The following E2F3 variants were observed in gnomAD, a reference collection of about 807,000 sequenced individuals.
E2F3 encodes the protein transcription factor E2F3.
Under a neutral mutation model 44.4 loss-of-function variants are expected in E2F3, and 11 were observed. The observed-to-expected ratio is 0.25, with a 90% CI of 0.16 to 0.41. The LOEUF (loss-of-function observed/expected upper bound fraction) is 0.41. Among genes scored for constraint, E2F3 ranks in the 10% least tolerant of loss-of-function variants. The pLI, the probability that E2F3 is intolerant of heterozygous loss-of-function variation, is 1.00. For synonymous variants in E2F3, 249 were observed against 253.0 expected (o/e 0.98, Z 0.15); for missense variants, 487 against 583.6 (o/e 0.83, Z 1.70).
Position 20,480,404 on chromosome 6 carries a change from C to T in E2F3, c.505+447C>T, listed in dbSNP as rs549297211. 2.0e-4 allele frequency among the ~76,000 whole-genome samples: 31 copies of T among 152,270 alleles called. 1 individual carries two copies. The highest frequency in any genetic ancestry group is 6.8e-3 in the Middle Eastern group (2 of 294). ...GATAAATTGCAGGCTGTTTCTCTTTCTATCAAATACTATTACCGTTTCTTG... is the reference window on the plus strand; with the variant it reads ...GATAAATTGCAGGCTGTTTCTCTTTTTATCAAATACTATTACCGTTTCTTG... On this transcript the variant is annotated intron_variant, in intron 2 of 6. Coordinates refer to ENST00000346618, the MANE Select transcript of E2F3 (RefSeq NM_001949.5).
intron 1 of E2F3, among the ~76,000 whole-genome samples, chr6:20,442,707 G>A (rs1760816623): frequency 6.6e-6 from 1 of 152,154 alleles, no homozygotes; most frequent in South Asian, 2.1e-4. Context: ...GGTGGCTCAT[G>A]CCTGTAATCC....
intron 6 of E2F3, among the ~76,000 whole-genome samples, chr6:20,489,196 A>T (rs1762486684): frequency 6.6e-6 from 1 of 152,230 alleles, no homozygotes. Flanking sequence ...GCAAAAGTAC[A>T]TCACCTGAAA....
intron 1 of E2F3, among the ~76,000 whole-genome samples, chr6:20,429,093 A>T (rs992629336): frequency 6.6e-6 from 1 of 152,140 alleles, no homozygotes; most frequent in Admixed American, 6.5e-5. Flanking sequence ...TAAACATACT[A>T]TAACATATGT....
chr6:20,419,535 T>A (rs1294173076), intron 1 of E2F3, among the ~76,000 whole-genome samples: 2 of 136,316 alleles, frequency 1.5e-5, no homozygotes, highest in Non-Finnish European at 3.1e-5. Context: ...CTCCTTTTAT[T>A]TATTTATTTA....
chr6:20,417,392 G>C lies in E2F3; in HGVS notation c.393+14767G>C, dbSNP rs1759883285. On this transcript the variant is annotated intron_variant, in intron 1 of 6. Transcript: ENST00000346618. Reference sequence around the variant, plus strand: ...ACGGTTCTTTGTGTGAAAAGCTTTGGATTACATACAGTCTGAATGAGTGAA... The same window carrying C: ...ACGGTTCTTTGTGTGAAAAGCTTTGCATTACATACAGTCTGAATGAGTGAA... Among the ~76,000 whole-genome samples the C allele has an allele frequency of 2.6e-5, 4 of 152,178 alleles. No individual in the cohort carries two copies. The South Asian group carries it at 6.2e-4, about 24-fold the overall frequency.
intron 1 of E2F3, among the ~76,000 whole-genome samples, chr6:20,458,478 T>C (rs1219831197): frequency 6.6e-6 from 1 of 152,142 alleles, no homozygotes; most frequent in African/African-American, 2.4e-5. Context: ...TTTCTCCACT[T>C]CCTCAGCCTT....
At chr6:20,485,991 G>A (rs994145967) in intron 4 of E2F3, among the ~76,000 whole-genome samples, 38 of 152,058 alleles carry the variant, frequency 2.5e-4, no homozygotes, top group Admixed American at 2.5e-3. Flanking sequence ...ATTGGAATCT[G>A]CCATCATTCA....
chr6:20,422,397 A>G (rs545471891), intron 1 of E2F3, among the ~76,000 whole-genome samples: 1 of 152,330 alleles, frequency 6.6e-6, no homozygotes, highest in East Asian at 1.9e-4. Flanking sequence ...CTTTCTCCAT[A>G]TCAGTAATAA....
At chr6:20,451,676 G>A (rs1169808405) in intron 1 of E2F3, among the ~76,000 whole-genome samples, 1 of 152,134 alleles carries the variant, frequency 6.6e-6, no homozygotes, top group East Asian at 1.9e-4. Flanking sequence ...TGCCCATTCA[G>A]TATTATGTTG....
At chr6:20,461,669 GA>G (rs1307124941) in intron 1 of E2F3, among the ~76,000 whole-genome samples, 1 of 152,158 alleles carries the variant, frequency 6.6e-6, no homozygotes, top group Non-Finnish European at 1.5e-5. Flanking sequence ...TATACATTCT[GA>G]GGTTTTTTTG....
At position 20,403,915 on chromosome 6, in the gene E2F3, G is replaced by T. The variant is rs550558949; in HGVS notation, c.393+1290G>T. The T allele has an allele frequency of 8.8e-4, 743 of 843,476 alleles. 3 individuals carry two copies. In the African/African-American group the frequency reaches 0.012, roughly 13 times the overall value. The allele number at this position is 843,476 out of a possible 1,614,324, so 52.2% of individuals were successfully genotyped here. On this transcript the variant is annotated intron_variant, in intron 1 of 6. Transcript: ENST00000346618. ...GGGGGCTGAAGCGGTGAGGGTAGGC[G>T]GTTGAGCGGGGTTTTGGAGTGGGAA... is the stretch of plus-strand genomic sequence containing the variant.
intron 1 of E2F3, among the ~76,000 whole-genome samples, chr6:20,419,753 T>C (rs772574739): frequency 6.6e-6 from 1 of 151,708 alleles, no homozygotes; most frequent in African/African-American, 2.4e-5. Context: ...TTTAGTAGAG[T>C]TGGGGTTTCA....
intron 1 of E2F3, among the ~76,000 whole-genome samples, chr6:20,479,487 G>T (rs749521322): frequency 6.6e-6 from 1 of 152,240 alleles, no homozygotes; most frequent in Non-Finnish European, 1.5e-5. Context: ...ACTCACTGTG[G>T]AAAGGGAATT....
At chr6:20,423,350 A>G (rs926691120) in intron 1 of E2F3, among the ~76,000 whole-genome samples, 1 of 152,060 alleles carries the variant, frequency 6.6e-6, no homozygotes, top group African/African-American at 2.4e-5. Flanking sequence ...AGTGGTATGT[A>G]TCCAAACATA....
At chr6:20,488,016 G>GTAA in intron 5 of E2F3, 97 bp from the exon 6 acceptor site, 1 of 1,545,954 alleles carries the variant, frequency 6.5e-7, no homozygotes, top group Non-Finnish European at 8.8e-7. Context: ...AGTGAAAAAC[G>GTAA]AACATTGTTC....
intron 1 of E2F3, among the ~76,000 whole-genome samples, chr6:20,453,646 G>C (rs1354792235): frequency 6.6e-6 from 1 of 152,004 alleles, no homozygotes; most frequent in South Asian, 2.1e-4. Flanking sequence ...TCCTGGGCTC[G>C]GGCGATCCTA....
intron 6 of E2F3, among the ~76,000 whole-genome samples, chr6:20,488,825 C>G (rs376543313): frequency 1.3e-5 from 2 of 152,210 alleles, no homozygotes; most frequent in Non-Finnish European, 1.5e-5. Flanking sequence ...GAAACCCTGT[C>G]TCTACTAAAA....
At chr6:20,408,200 CCTT>C (rs377014803) in intron 1 of E2F3, among the ~76,000 whole-genome samples, 30 of 152,306 alleles carry the variant, frequency 2.0e-4, no homozygotes, top group African/African-American at 7.2e-4. Flanking sequence ...AATAGTGTCT[CCTT>C]CTTCCTACCC....
intron 1 of E2F3, among the ~76,000 whole-genome samples, chr6:20,445,930 G>C (rs1760929610): frequency 1.3e-5 from 2 of 152,192 alleles, no homozygotes; most frequent in Non-Finnish European, 2.9e-5. Context: ...GCAAGGCAGG[G>C]CACCAGCCCT....
Sources: allele counts gnomAD v4.1 joint callset (sites outside exome capture counted in the v4.1 genomes callset), GRCh38; gene constraint gnomAD v4.1.1; transcripts MANE v1.5; gene names NCBI Gene and HGNC (gene_info 2026-07-23, HGNC 2026-07-21).